SRCIN1: variants seen among roughly 807,000 people sequenced by gnomAD.
SRCIN1 encodes SRC kinase signaling inhibitor 1.
SRCIN1 carries 50 observed loss-of-function variants against 116.2 expected under a neutral mutation model. That is an observed-to-expected ratio of 0.43 (90% confidence interval 0.34 to 0.54). SRCIN1 has a LOEUF of 0.54. SRCIN1 is among the 20% of genes least tolerant of loss of function. SRCIN1 has a pLI of 0.02. For missense variants in SRCIN1, 1,446 were observed against 1,672.0 expected, an observed-to-expected ratio of 0.86 and a Z score of 2.36; for synonymous variants, 736 against 750.0, an observed-to-expected ratio of 0.98 and a Z score of 0.30.
intron 11 of SRCIN1, among the ~76,000 whole-genome samples, chr17:38,555,902 A>G (rs1040458654): frequency 6.6e-6 from 1 of 152,242 alleles, no homozygotes; most frequent in African/African-American, 2.4e-5. Flanking sequence ...ACTCTCATGT[A>G]AAGGACTCAA....
At chr17:38,543,995 G>T in intron 17 of SRCIN1, 26 bp from the exon 18 acceptor site, 1 of 1,559,618 alleles carries the variant, frequency 6.4e-7, no homozygotes, top group Non-Finnish European at 8.6e-7. Flanking sequence ...CAGGGTTGCA[G>T]TTGCAGAGTC....
At position 38,552,811 on chromosome 17, in the gene SRCIN1, T is replaced by G. The variant is rs780618457; in HGVS notation, c.2246A>C (p.His749Pro). 6.2e-7 allele frequency: 1 copy of G among 1,613,974 alleles called. No homozygotes were observed. The highest frequency in any genetic ancestry group is 1.1e-5 in the South Asian group (1 of 91,080). The change falls in exon 12 of 19, where the codon CAC becomes CCC. Residue 749 changes from histidine to proline, a missense_variant. Transcript: ENST00000617146. The surrounding 1 kb of genome is among the most constrained non-coding windows in gnomAD (Gnocchi z 5.3). ...AGGGCCGGGCACCAGCCGGTGGTTG[T>G]GGGACACGTCTCTCTGGATCTTCTC... ...SVEKIQRDVSHNHRLVPGPEL... is the reference protein window; with the variant it reads ...SVEKIQRDVSPNHRLVPGPEL...
intron 1 of SRCIN1, 47 bp from the exon 2 acceptor site, chr17:38,578,838 T>G (rs1207261937): frequency 3.5e-6 from 5 of 1,447,114 alleles, no homozygotes; most frequent in Non-Finnish European, 4.5e-6. Context: ...GCGCCCGGCC[T>G]GGGGCTGCCC....
Position 38,588,370 on chromosome 17 carries a change from T to A in SRCIN1, c.23-9579A>T, listed in dbSNP as rs190022303. On this transcript the variant is annotated intron_variant, in intron 1 of 18. Coordinates refer to ENST00000617146, the MANE Select transcript of SRCIN1 (RefSeq NM_025248.3). ...GGAAATGCTGAGAACAGCCCTGGCA[T>A]GTGCCCACGCGGCACTATGTTAACC... is the stretch of plus-strand genomic sequence containing the variant. Among the ~76,000 whole-genome samples, 434 of 152,378 alleles carry A rather than the reference T, an allele frequency of 2.8e-3. 2 individuals are homozygous for A. Among genetic ancestry groups the A allele is most frequent in the Admixed American group, 6.3e-3 (97 of 15,314 alleles).
In SRCIN1 at chr17:38,562,962, G is replaced by A; in HGVS notation, c.741-42C>T. The A allele has an allele frequency of 6.6e-7, 1 of 1,510,462 alleles. No individual in the cohort carries two copies. Among genetic ancestry groups the A allele is most frequent in the Non-Finnish European group, 9.2e-7 (1 of 1,092,232 alleles). 93.6% of individuals were successfully genotyped at this position (1,510,462 alleles called of 1,614,324 possible). A position where few individuals can be genotyped will look rare whatever the true frequency, so the allele number is the denominator to read the frequency against. The stretch of plus-strand genomic sequence containing the variant: ...GACGGGGGTCACCACCCATCCCCCA[G>A]CTGTGCACAATGAGAAGGGATGGCT... On this transcript the variant is annotated intron_variant, in intron 5 of 18. Coordinates refer to ENST00000617146, the MANE Select transcript of SRCIN1 (RefSeq NM_025248.3). This position sits in a 1 kb window ranked among gnomAD's most constrained non-coding sequence, Gnocchi z 4.2.
chr17:38,602,630 C>A lies in SRCIN1; in HGVS notation c.22+3054G>T, dbSNP rs1909118756. Reference sequence around the variant, plus strand: ...GAGGCAGTCTGTGTCCCTCTCTGGGCCTCAAGGACATAAATGAAGAAAGAA... The same window carrying A: ...GAGGCAGTCTGTGTCCCTCTCTGGGACTCAAGGACATAAATGAAGAAAGAA... On this transcript the variant is annotated intron_variant, in intron 1 of 18. Coordinates refer to ENST00000617146, the MANE Select transcript of SRCIN1 (RefSeq NM_025248.3). This position sits in a 1 kb window ranked among gnomAD's most constrained non-coding sequence, Gnocchi z 4.2. The A allele has an allele frequency of 6.6e-6, 1 of 152,218 alleles. No homozygotes were observed. Among genetic ancestry groups the A allele is most frequent in the Admixed American group, 6.5e-5 (1 of 15,278 alleles). 9.4% of individuals were successfully genotyped at this position (152,218 alleles called of 1,614,324 possible).
chr17:38,575,925 G>A (rs1164373995), intron 2 of SRCIN1, among the ~76,000 whole-genome samples: 2 of 152,110 alleles, frequency 1.3e-5, no homozygotes, highest in African/African-American at 4.8e-5. Flanking sequence ...CTTAAGCACC[G>A]AACATTCCAT....
At chr17:38,543,012 G>A (rs911994957) in intron 18 of SRCIN1, 21 of 452,538 alleles carry the variant, frequency 4.6e-5, no homozygotes, top group Non-Finnish European at 8.5e-5. Context: ...AGTGCACTAA[G>A]GGTCTCTCAC....
At chr17:38,547,784 C>T in intron 17 of SRCIN1, 1 of 273,700 alleles carries the variant, frequency 3.7e-6, no homozygotes, top group Non-Finnish European at 7.4e-6. Flanking sequence ...TGGGGCTGAG[C>T]CCCCGGGGGG....
At chr17:38,561,321 C>T (rs547683604) in intron 7 of SRCIN1, 142 bp downstream of exon 7, 5 of 1,009,488 alleles carry the variant, frequency 5.0e-6, no homozygotes, top group African/African-American at 1.7e-5. Flanking sequence ...TGCTCTCTGG[C>T]GACCCTTCAA....
chr17:38,545,399 TG>T (rs1450909339), intron 17 of SRCIN1: 1 of 142,970 alleles, frequency 7.0e-6, no homozygotes, highest in Non-Finnish European at 1.5e-5. Flanking sequence ...GAGGGAGGGT[TG>T]GGGGCACACT....
intron 17 of SRCIN1, among the ~76,000 whole-genome samples, chr17:38,545,803 G>A (rs972666765): frequency 4.6e-5 from 7 of 152,214 alleles, no homozygotes; most frequent in African/African-American, 7.2e-5. Context: ...ACACCAAGGT[G>A]GGGCCGGTGG....
chr17:38,549,176 C>T lies in SRCIN1; in HGVS notation c.2997G>A (p.Lys999=). The T allele has an allele frequency of 1.9e-6, 3 of 1,576,204 alleles. No homozygotes were observed. The highest frequency in any genetic ancestry group is 2.6e-6 in the Non-Finnish European group (3 of 1,164,274). The part of the protein sequence containing the change: ...ELTVPRYRTE[K]PSKSPPPPPP... ...GGGGCGGTGGGGGCGACTTGGAGGGCTTCTCTGTGCGGTATCGGGGCACGG... is the reference window on the plus strand; with the variant it reads ...GGGGCGGTGGGGGCGACTTGGAGGGTTTCTCTGTGCGGTATCGGGGCACGG... The change falls in exon 16 of 19, where the codon AAG becomes AAA. Residue 999 remains lysine, a synonymous_variant. Coordinates refer to ENST00000617146, the MANE Select transcript of SRCIN1 (RefSeq NM_025248.3).
At chr17:38,590,632 T>C (rs779374043) in intron 1 of SRCIN1, among the ~76,000 whole-genome samples, 2 of 152,192 alleles carry the variant, frequency 1.3e-5, no homozygotes, top group African/African-American at 2.4e-5. Flanking sequence ...CCTTGTGAGG[T>C]TGCAAACCCC....
chr17:38,530,481 C>T lies in SRCIN1; in HGVS notation c.*2816G>A. ...GTCAAGCACACACTGATGGACAGAG[C>T]AGCGAGGCGCATGCAGCTGGGGGCA... is the stretch of plus-strand genomic sequence containing the variant. On this transcript the variant is annotated 3_prime_UTR_variant, in exon 19 of 19. Transcript: ENST00000617146. 1 of 152,602 alleles carries T rather than the reference C, an allele frequency of 6.6e-6. No homozygotes were observed. The highest frequency in any genetic ancestry group is 1.5e-5 in the Non-Finnish European group (1 of 68,296). 9.5% of individuals were successfully genotyped at this position (152,602 alleles called of 1,614,324 possible).
chr17:38,560,859 G>A (rs974128254), intron 7 of SRCIN1, among the ~76,000 whole-genome samples: 10 of 152,190 alleles, frequency 6.6e-5, no homozygotes, highest in Admixed American at 6.5e-4. Flanking sequence ...CACAGGCCAC[G>A]TAAGAGCTGT....
In SRCIN1 at chr17:38,561,761, A is replaced by T; in HGVS notation, c.1402T>A (p.Phe468Ile). 1 of 1,509,470 alleles carries T rather than the reference A, an allele frequency of 6.6e-7. No individual in the cohort carries two copies. The highest frequency in any genetic ancestry group is 8.8e-7 in the Non-Finnish European group (1 of 1,135,258). 93.5% of individuals were successfully genotyped at this position (1,509,470 alleles called of 1,614,324 possible). Residue 468 changes from phenylalanine (F) to isoleucine (I), a missense_variant, in exon 7 of 19, where the codon TTC (phenylalanine) becomes ATC (isoleucine). Phe to Ile is a conservative substitution (Grantham distance 21). This residue lies in a region of SRCIN1 where 398 missense variants were observed against 385.6 expected (regional missense o/e 1.03). Coordinates refer to ENST00000617146, the MANE Select transcript of SRCIN1 (RefSeq NM_025248.3). ...TGCGGTGACGAAGGCGGCAGGCGGA[A>T]GCCGTAGCCGTCGCCGTACAGCGGG... ...GGPLYGDGYG[F>I]RLPPSSPQKL...
intron 17 of SRCIN1, chr17:38,547,789 G>A (rs1047482492): frequency 5.6e-5 from 15 of 269,520 alleles, no homozygotes; most frequent in Middle Eastern, 5.9e-4. Flanking sequence ...CTGAGCCCCC[G>A]GGGGGCCCCA....
intron 1 of SRCIN1, among the ~76,000 whole-genome samples, chr17:38,593,982 G>T (rs1318375618): frequency 6.6e-6 from 1 of 152,224 alleles, no homozygotes; most frequent in Non-Finnish European, 1.5e-5. Context: ...TTTTTACGGA[G>T]GCAGAAAGTA....
Sources: gnomAD v4.1 joint callset for allele counts (sites outside exome capture counted in the v4.1 genomes callset) on GRCh38, gnomAD v4.1.1 for gene constraint, gnomAD v4.1.1 regional missense constraint, Gnocchi (gnomAD v3.1) non-coding constraint, MANE v1.5 for transcripts, NCBI Gene and HGNC (gene_info 2026-07-23, HGNC 2026-07-21) for gene names.